HTR5A: variants seen among roughly 807,000 people sequenced by gnomAD.
The protein encoded by HTR5A is 5-hydroxytryptamine receptor 5A.
HTR5A carries 21 observed loss-of-function variants against 24.3 expected under a neutral mutation model. The observed-to-expected ratio is 0.86, with a 90% CI of 0.61 to 1.24. HTR5A has a LOEUF of 1.24. Among genes scored for constraint, HTR5A ranks in the 50% most tolerant of loss-of-function variants. The probability of loss-of-function intolerance (pLI) is 0.00; values close to 1 mark genes in which losing one functional copy is unlikely to be tolerated. For synonymous variants in HTR5A, 260 were observed against 213.7 expected (o/e 1.22, Z -1.89); for missense variants, 497 against 489.5 (o/e 1.02, Z -0.15).
In HTR5A at chr7:155,084,759, T is replaced by C; in HGVS notation, c.*272T>C. The C allele has an allele frequency of 2.5e-6, 1 of 398,036 alleles. No homozygotes were observed. The highest frequency in any genetic ancestry group is 5.1e-5 in the South Asian group (1 of 19,688). 24.7% of individuals were successfully genotyped at this position (398,036 alleles called of 1,614,324 possible). A position where few individuals can be genotyped will look rare whatever the true frequency, so the allele number is the denominator to read the frequency against. On this transcript the variant is annotated 3_prime_UTR_variant, in exon 2 of 2. Transcript: ENST00000287907. ...TCTTTGCCCGCAAAGTGTCCTTTCC[T>C]CCCCAAATTCACTCTGGCATGGTGA...
At chr7:155,079,005 G>A (rs184491089) in intron 1 of HTR5A, among the ~76,000 whole-genome samples, 224 of 150,994 alleles carry the variant, frequency 1.5e-3, no homozygotes, top group African/African-American at 5.1e-3. Flanking sequence ...GCCCAGGCTA[G>A]AGTGCAGTGG....
intron 1 of HTR5A, among the ~76,000 whole-genome samples, chr7:155,081,491 T>C (rs917354839): frequency 6.6e-6 from 1 of 152,238 alleles, no homozygotes; most frequent in African/African-American, 2.4e-5. Flanking sequence ...GAAAAAAATT[T>C]ATATATGAAT....
At chr7:155,073,182 G>A (rs1398399694) in intron 1 of HTR5A, among the ~76,000 whole-genome samples, 3 of 152,054 alleles carry the variant, frequency 2.0e-5, no homozygotes, top group African/African-American at 2.4e-5. Context: ...TTAGCCAGGC[G>A]TGGTGGCAGG....
At chr7:155,075,700 A>G (rs1563420434) in intron 1 of HTR5A, among the ~76,000 whole-genome samples, 4 of 152,200 alleles carry the variant, frequency 2.6e-5, no homozygotes, top group Non-Finnish European at 5.9e-5. Context: ...AATGGTAGCT[A>G]TAGGGTAAAC....
At chr7:155,073,828 G>GATAC (rs1368530039) in intron 1 of HTR5A, among the ~76,000 whole-genome samples, 1 of 14,544 alleles carries the variant, frequency 6.9e-5, no homozygotes, top group Non-Finnish European at 1.2e-3. Flanking sequence ...TTTTTATATA[G>GATAC]ATACACACAC....
chr7:155,082,587 G>A (rs1045168708), intron 1 of HTR5A, among the ~76,000 whole-genome samples: 3 of 152,208 alleles, frequency 2.0e-5, no homozygotes, highest in East Asian at 1.9e-4. Flanking sequence ...ATGTGCCAAG[G>A]GGAAGGAGAC....
In HTR5A at chr7:155,071,240, G is replaced by A. The variant is rs1795289537; in HGVS notation, c.341G>A (p.Cys114Tyr). 1 of 1,604,774 alleles carries A rather than the reference G, an allele frequency of 6.2e-7. No homozygotes were observed. Among genetic ancestry groups the A allele is most frequent in the Non-Finnish European group, 8.5e-7 (1 of 1,179,914 alleles). ...CGCTGGCAGCTAGGTCGGAGGCTGT[G>A]CCAGCTTTGGATCGCGTGCGACGTG... ...GRRWQLGRRL[C>Y]QLWIACDVLC... The change falls in exon 1 of 2, where the codon TGC becomes TAC. Residue 114 changes from cysteine to tyrosine, a missense_variant. Physicochemically the swap from Cys to Tyr is radical, Grantham distance 194 (BLOSUM62 -2). Coordinates refer to ENST00000287907, the MANE Select transcript of HTR5A (RefSeq NM_024012.4).
intron 1 of HTR5A, chr7:155,074,563 A>T (rs1795340552): frequency 6.6e-6 from 1 of 152,140 alleles, no homozygotes; most frequent in African/African-American, 2.4e-5. Flanking sequence ...TGGTGGCCTG[A>T]CTTTCAGAAC....
intron 1 of HTR5A, among the ~76,000 whole-genome samples, chr7:155,082,549 A>G (rs1795429941): frequency 6.6e-6 from 1 of 152,218 alleles, no homozygotes; most frequent in South Asian, 2.1e-4. Context: ...GACCAGTGTT[A>G]CCAGTGTCCC....
rs1554519653 is a variant in HTR5A at position 155,073,905 on chromosome 7, A to ATATATATATGTGTGTG, written c.741+2274_741+2275insGTGTGTGTATATATAT. Among the ~76,000 whole-genome samples the ATATATATATGTGTGTG allele has an allele frequency of 2.7e-3, 237 of 88,048 alleles. 8 individuals are homozygous for ATATATATATGTGTGTG. The highest frequency in any genetic ancestry group is 5.9e-3 in the Middle Eastern group (1 of 170). 57.8% of individuals were successfully genotyped at this position (88,048 alleles called of 152,430 possible). A position where few individuals can be genotyped will look rare whatever the true frequency, so the allele number is the denominator to read the frequency against. ...TATATATATGTATATATATATATAT[A>ATATATATATGTGTGTG]TATATATATATGTATATATATATAC... On this transcript the variant is annotated intron_variant, in intron 1 of 1. Coordinates refer to ENST00000287907, the MANE Select transcript of HTR5A (RefSeq NM_024012.4).
intron 1 of HTR5A, among the ~76,000 whole-genome samples, chr7:155,074,257 C>T (rs188233484): frequency 3.9e-5 from 6 of 152,214 alleles, no homozygotes; most frequent in Admixed American, 3.9e-4. Context: ...TGGGATCTGG[C>T]AACACAAGAT....
intron 1 of HTR5A, among the ~76,000 whole-genome samples, chr7:155,081,692 A>G (rs117810401): frequency 2.8e-3 from 419 of 152,346 alleles, no homozygotes; most frequent in Non-Finnish European, 4.0e-3. Context: ...ATCATGGATT[A>G]GAAGAGAGCA....
intron 1 of HTR5A, among the ~76,000 whole-genome samples, chr7:155,073,671 T>C (rs1222061627): frequency 3.3e-5 from 5 of 151,718 alleles, no homozygotes; most frequent in African/African-American, 1.2e-4. Flanking sequence ...TTCAGGCAAA[T>C]ATAATTTACA....
chr7:155,072,335 G>T (rs1006881453), intron 1 of HTR5A, among the ~76,000 whole-genome samples: 2 of 152,168 alleles, frequency 1.3e-5, no homozygotes, highest in Admixed American at 1.3e-4. Context: ...GCCCTATTAG[G>T]TTGTAGGTGT....
intron 1 of HTR5A, among the ~76,000 whole-genome samples, chr7:155,072,357 A>T (rs898581644): frequency 6.6e-6 from 1 of 152,142 alleles, no homozygotes; most frequent in Non-Finnish European, 1.5e-5. Flanking sequence ...ACTGAGGACC[A>T]CTTGTCTGCC....
At position 155,070,559 on chromosome 7, in the gene HTR5A, ATCTGGGAGATGCTCGGC is replaced by A. The variant is rs1233466960; in HGVS notation, c.-334_-318del. 1.0e-5 allele frequency: 4 copies of A among 382,108 alleles called. No homozygotes were observed. Among genetic ancestry groups the A allele is most frequent in the Non-Finnish European group, 2.0e-5 (4 of 202,002 alleles). 23.7% of individuals were successfully genotyped at this position (382,108 alleles called of 1,614,324 possible). ...CTGCTGGCCGCCCAGCTTCTCCCCG[ATCTGGGAGATGCTCGGC>A]TCTGGGCGGCCAAACAGCCTTTCCA... On this transcript the variant is annotated 5_prime_UTR_variant, in exon 1 of 2. The change abolishes an upstream ATG in the 5' untranslated region. Coordinates refer to ENST00000287907, the MANE Select transcript of HTR5A (RefSeq NM_024012.4).
At chr7:155,078,370 T>G (rs1561598) in intron 1 of HTR5A, among the ~76,000 whole-genome samples, 132,231 of 152,280 alleles carry the variant, frequency 0.87, 60,376 homozygotes, top group East Asian at 1. Context: ...ACTTCAGCTG[T>G]TGGGTATACA....
intron 1 of HTR5A, among the ~76,000 whole-genome samples, chr7:155,076,700 A>G (rs2150818786): frequency 6.6e-6 from 1 of 152,328 alleles, no homozygotes; most frequent in South Asian, 2.1e-4. Context: ...CACCAGGAGA[A>G]GGAGAAAGTA....
At position 155,073,899 on chromosome 7, in the gene HTR5A, A is replaced by ATGTG. The variant is rs1185290002; in HGVS notation, c.741+2260_741+2261insGTGT. 0.02 allele frequency among the ~76,000 whole-genome samples: 302 copies of ATGTG among 15,438 alleles called. 13 individuals are homozygous for ATGTG. In the Non-Finnish European group the frequency reaches 0.22, roughly 11 times the overall value. The allele number at this position is 15,438 out of a possible 152,430, so 10.1% of individuals were successfully genotyped here. On this transcript the variant is annotated intron_variant, in intron 1 of 1. Transcript: ENST00000287907. ...TATGTATATATATATGTATATATAT[A>ATGTG]TATATATATATATATATGTATATAT... is the stretch of plus-strand genomic sequence containing the variant.
Sources: allele counts gnomAD v4.1 joint callset (sites outside exome capture counted in the v4.1 genomes callset), GRCh38; gene constraint gnomAD v4.1.1; transcripts MANE v1.5; gene names NCBI Gene and HGNC (gene_info 2026-07-23, HGNC 2026-07-21).